The following CSGALNACT1 variants were observed in gnomAD, a reference collection of about 807,000 sequenced individuals.
CSGALNACT1 encodes beta4GalNAcT-1.
Under a neutral mutation model 51.0 loss-of-function variants are expected in CSGALNACT1, and 52 were observed. The observed-to-expected ratio is 1.02, with a 90% CI of 0.82 to 1.29. The LOEUF is 1.29. Among genes scored for constraint, CSGALNACT1 ranks in the 50% most tolerant of loss-of-function variants. CSGALNACT1 has a pLI of 0.00. For missense variants in CSGALNACT1, 935 were observed against 679.2 expected, an observed-to-expected ratio of 1.38 and a Z score of -4.19; for synonymous variants, 341 against 254.4, an observed-to-expected ratio of 1.34 and a Z score of -3.24.
chr8:19,522,930 A>T (rs547949805), intron 3 of CSGALNACT1, among the ~76,000 whole-genome samples: 4 of 152,338 alleles, frequency 2.6e-5, no homozygotes, highest in African/African-American at 9.6e-5. Context: ...TTCCCTCTTC[A>T]AACTGCATGC....
At chr8:19,685,101 T>C (rs1466984652), upstream of CSGALNACT1, among the ~76,000 whole-genome samples, 1 of 152,166 alleles carries the variant, frequency 6.6e-6, no homozygotes, top group Non-Finnish European at 1.5e-5. Flanking sequence ...TGGGAAAGCA[T>C]GAGGAGATCA....
chr8:19,478,863 A>G (rs1201072786), intron 4 of CSGALNACT1, among the ~76,000 whole-genome samples: 1 of 152,220 alleles, frequency 6.6e-6, no homozygotes, highest in Admixed American at 6.5e-5. Context: ...AGAACTTTCC[A>G]GACCTCTGCA....
intron 4 of CSGALNACT1, among the ~76,000 whole-genome samples, chr8:19,462,121 C>T (rs1158173439): frequency 2.0e-5 from 3 of 152,154 alleles, no homozygotes; most frequent in Non-Finnish European, 4.4e-5. Flanking sequence ...GGTGTATCTG[C>T]AAAGCATCCA....
At chr8:19,457,236 C>G (rs529292328) in intron 5 of CSGALNACT1, among the ~76,000 whole-genome samples, 1 of 152,136 alleles carries the variant, frequency 6.6e-6, no homozygotes, top group Admixed American at 6.5e-5. Flanking sequence ...AAACAGAGTA[C>G]GCTCATGAAC....
chr8:19,584,732 T>C (rs943464633), intron 3 of CSGALNACT1, among the ~76,000 whole-genome samples: 1 of 152,240 alleles, frequency 6.6e-6, no homozygotes, highest in African/African-American at 2.4e-5. Flanking sequence ...TGCTGACAGC[T>C]GCAGTGCAAG....
At chr8:19,562,000 G>A (rs375132214) in intron 3 of CSGALNACT1, among the ~76,000 whole-genome samples, 1 of 152,110 alleles carries the variant, frequency 6.6e-6, no homozygotes, top group Non-Finnish European at 1.5e-5. Flanking sequence ...CTCCACCGTG[G>A]CTTCCACCTT....
intron 1 of CSGALNACT1, among the ~76,000 whole-genome samples, chr8:19,691,310 G>A (rs370622399): frequency 2.6e-5 from 4 of 152,082 alleles, no homozygotes; most frequent in Non-Finnish European, 4.4e-5. Flanking sequence ...CCCAAACACC[G>A]CTGAGCAGGG....
At chr8:19,620,314 CAAAAAAAA>C (rs35145827) in intron 1 of CSGALNACT1, among the ~76,000 whole-genome samples, 78 of 64,746 alleles carry the variant, frequency 1.2e-3, no homozygotes, top group African/African-American at 4.9e-3. Context: ...GACTCTGTCT[CAAAAAAAA>C]AAAAAAAAAA....
chr8:19,443,856 A>G (rs926520383), intron 5 of CSGALNACT1, among the ~76,000 whole-genome samples: 2 of 152,124 alleles, frequency 1.3e-5, no homozygotes, highest in East Asian at 1.9e-4. Flanking sequence ...GACCAGTTTC[A>G]TGGAAGACAA....
intron 3 of CSGALNACT1, among the ~76,000 whole-genome samples, chr8:19,530,766 T>C (rs1335621814): frequency 6.6e-6 from 1 of 152,128 alleles, no homozygotes; most frequent in African/African-American, 2.4e-5. Flanking sequence ...TGATTGTCCA[T>C]GAAGTTAGTA....
chr8:19,581,498 T>A (rs537799377), intron 3 of CSGALNACT1, among the ~76,000 whole-genome samples: 1 of 152,314 alleles, frequency 6.6e-6, no homozygotes, highest in East Asian at 1.9e-4. Flanking sequence ...AACCTGTCAC[T>A]CGGGAGGCTT....
chr8:19,561,392 C>A (rs1210710296), intron 3 of CSGALNACT1, among the ~76,000 whole-genome samples: 1 of 152,136 alleles, frequency 6.6e-6, no homozygotes, highest in Non-Finnish European at 1.5e-5. Context: ...GCTTCATGAC[C>A]AACAAGCACA....
At chr8:19,491,002 T>G (rs1037194128) in intron 4 of CSGALNACT1, among the ~76,000 whole-genome samples, 1 of 151,994 alleles carries the variant, frequency 6.6e-6, no homozygotes, top group Admixed American at 6.6e-5. Flanking sequence ...CACTGCCATA[T>G]CTTATTGCAA....
intron 6 of CSGALNACT1, among the ~76,000 whole-genome samples, chr8:19,429,810 T>C (rs1277199018): frequency 1.3e-5 from 2 of 152,232 alleles, no homozygotes; most frequent in Non-Finnish European, 2.9e-5. Flanking sequence ...CACACTGTTT[T>C]CCACAGTGGC....
At chr8:19,660,023 G>T (rs550603017) in intron 1 of CSGALNACT1, among the ~76,000 whole-genome samples, 1 of 152,302 alleles carries the variant, frequency 6.6e-6, no homozygotes, top group East Asian at 1.9e-4. Flanking sequence ...TACTATTATT[G>T]TCCCAGTCTT....
chr8:19,694,210 G>C (rs965180219), intron 1 of CSGALNACT1, among the ~76,000 whole-genome samples: 2 of 152,026 alleles, frequency 1.3e-5, no homozygotes, highest in African/African-American at 4.8e-5. Flanking sequence ...ACTTCCTTTT[G>C]GCTACAAAGA....
At chr8:19,519,579 G>A (rs58174818) in intron 3 of CSGALNACT1, among the ~76,000 whole-genome samples, 1,760 of 152,280 alleles carry the variant, frequency 0.012, 37 homozygotes, top group African/African-American at 0.04. Context: ...CAGAATCACT[G>A]GTGCCGATAG....
chr8:19,635,207 C>G (rs537536745), intron 1 of CSGALNACT1, among the ~76,000 whole-genome samples: 1 of 152,196 alleles, frequency 6.6e-6, no homozygotes, highest in African/African-American at 2.4e-5. Flanking sequence ...GCTACCCGTC[C>G]TCTCCTGAGC....
chr8:19,666,975 GAAAGAAAGAAAGAA>G (rs2059339001), intron 1 of CSGALNACT1, among the ~76,000 whole-genome samples: 2 of 11,056 alleles, frequency 1.8e-4, no homozygotes, highest in African/African-American at 7.7e-4. Context: ...AAGAAAGAAA[GAAAGAAAGAAAGAA>G]AGAAAGAAAG....
Sources: gnomAD v4.1 joint callset for allele counts (sites outside exome capture counted in the v4.1 genomes callset) on GRCh38, gnomAD v4.1.1 for gene constraint, MANE v1.5 for transcripts, NCBI Gene and HGNC (gene_info 2026-07-23, HGNC 2026-07-21) for gene names.